DDOST: variants seen among roughly 807,000 people sequenced by gnomAD.
DDOST encodes dolichyl-diphosphooligosaccharide--protein glycosyltransferase 48 kDa subunit.
A neutral mutation model predicts 47.6 loss-of-function variants in DDOST; 25 were observed. The observed-to-expected ratio is 0.53, with a 90% CI of 0.38 to 0.73. The LOEUF (loss-of-function observed/expected upper bound fraction) is 0.73. DDOST is among the 30% of genes least tolerant of loss of function. The probability of loss-of-function intolerance (pLI) is 0.00; values close to 1 mark genes in which losing one functional copy is unlikely to be tolerated. For missense variants in DDOST, 526 were observed against 573.9 expected, an observed-to-expected ratio of 0.92 and a Z score of 0.85; for synonymous variants, 275 against 236.0, an observed-to-expected ratio of 1.17 and a Z score of -1.51.
intron 2 of DDOST, 165 bp downstream of exon 2, chr1:20,660,716 C>T: frequency 1.7e-6 from 1 of 584,144 alleles, no homozygotes; most frequent in Non-Finnish European, 3.1e-6. Flanking sequence ...GATGTACCCT[C>T]CTAGGGTCAG....
At chr1:20,659,402 TCATCTTA>T (rs1191768876) in intron 2 of DDOST, among the ~76,000 whole-genome samples, 1 of 152,160 alleles carries the variant, frequency 6.6e-6, no homozygotes, top group African/African-American at 2.4e-5. Context: ...TGCCTCCGCT[TCATCTTA>T]CATCCTGACA....
intron 4 of DDOST, 49 bp from the exon 5 acceptor site, chr1:20,655,583 G>C (rs1344149397): frequency 8.1e-6 from 13 of 1,599,022 alleles, no homozygotes; most frequent in Non-Finnish European, 9.4e-6. Flanking sequence ...GGTTCCCCAA[G>C]CCAGGGAGAA....
intron 7 of DDOST, 100 bp downstream of exon 7, chr1:20,654,123 C>T (rs2053334323): frequency 1.5e-6 from 2 of 1,370,612 alleles, no homozygotes; most frequent in Admixed American, 2.3e-5. Context: ...CAGCCTCTGA[C>T]ACTTTTAGCT....
Position 20,652,848 on chromosome 1 carries a change from C to T in DDOST, c.1063+3G>A, listed in dbSNP as rs745423124. ...AGCATCCTCGTGCAGGAACTACACT[C>T]ACCTTTCTTCTTCAGGAAGGTCCTC... On this transcript the variant is annotated splice_donor_region_variant and intron_variant, in intron 9 of 10. Transcript: ENST00000602624. 6.2e-7 allele frequency: 1 copy of T among 1,614,206 alleles called. No homozygotes were observed. The highest frequency in any genetic ancestry group is 1.1e-5 in the South Asian group (1 of 91,082).
intron 2 of DDOST, among the ~76,000 whole-genome samples, chr1:20,657,693 C>T (rs1441419894): frequency 6.6e-6 from 1 of 152,094 alleles, no homozygotes; most frequent in Non-Finnish European, 1.5e-5. Flanking sequence ...ATATAAGAGC[C>T]CTGTTTTTTG....
At position 20,652,491 on chromosome 1, in the gene DDOST, C is replaced by T. The variant is rs1486971492; in HGVS notation, c.1208G>A (p.Arg403His). ...VRPLQHTQYE[R>H]FIPSAYPYYA... ...GTAGGGGTAGGCCGAGGGGATGAAG[C>T]GCTCATACTGCGTGTGCTGGAGTGG... The change falls in exon 11 of 11, where the codon CGC becomes CAC. Residue 403 changes from arginine (R) to histidine (H), a missense_variant. By Grantham distance (29) the Arg-to-His change is conservative. Transcript: ENST00000602624. 6.2e-7 allele frequency: 1 copy of T among 1,613,920 alleles called. No individual in the cohort carries two copies. Among genetic ancestry groups the T allele is most frequent in the Non-Finnish European group, 8.5e-7 (1 of 1,179,980 alleles).
At chr1:20,657,166 TGG>T (rs1395107742) in intron 2 of DDOST, among the ~76,000 whole-genome samples, 1 of 151,582 alleles carries the variant, frequency 6.6e-6, no homozygotes, top group East Asian at 1.9e-4. Flanking sequence ...CCGAGGGGGG[TGG>T]GCACGGTCAC....
At chr1:20,655,981 C>T (rs2053368156) in intron 3 of DDOST, 120 bp downstream of exon 3, 2 of 911,898 alleles carry the variant, frequency 2.2e-6, no homozygotes, top group Non-Finnish European at 3.6e-6. Context: ...AAAACGGTTC[C>T]CTCACTGACT....
At position 20,655,415 on chromosome 1, in the gene DDOST, G is replaced by A. The variant is rs76266717; in HGVS notation, c.551+25C>T. 20,121 of 1,572,906 alleles carry A rather than the reference G, an allele frequency of 0.013. 158 individuals carry two copies. Among genetic ancestry groups the A allele is most frequent in the South Asian group, 0.016 (1,428 of 89,694 alleles). ...CCCCTTCTTCCCCCAGGTTTCTGCT[G>A]TCCTCTCCCTGCTCACTCACTCACC... On this transcript the variant is annotated intron_variant, in intron 5 of 10. Coordinates refer to ENST00000602624, the MANE Select transcript of DDOST (RefSeq NM_005216.5).
At chr1:20,655,951 G>A (rs753527141) in intron 3 of DDOST, 150 bp downstream of exon 3, 57 of 819,276 alleles carry the variant, frequency 7.0e-5, no homozygotes, top group Non-Finnish European at 1.1e-4. Flanking sequence ...CTGCCTCCAG[G>A]AGTCAGATTC....
At position 20,661,237 on chromosome 1, in the gene DDOST, G is replaced by T; in HGVS notation, c.114C>A (p.Asn38Lys). 3 of 1,614,066 alleles carry T rather than the reference G, an allele frequency of 1.9e-6. No homozygotes were observed. The highest frequency in any genetic ancestry group is 2.5e-6 in the Non-Finnish European group (3 of 1,180,022). The change falls in exon 1 of 11, where the codon AAC becomes AAA. Residue 38 changes from asparagine to lysine, a missense_variant. By Grantham distance (94) the Asn-to-Lys change is moderately conservative. Coordinates refer to ENST00000602624, the MANE Select transcript of DDOST (RefSeq NM_005216.5). ...PRTLVLLDNL[N>K]VRETHSLFFR... ...AGAAAAGCGAATGAGTCTCCCGCAC[G>T]TTGAGGTTGTCCAGCAGCACTAAGG...
In DDOST at chr1:20,652,654, C is replaced by A; in HGVS notation, c.1137G>T (p.Arg379=). ...AAGAGTACAGGTGTGTGTAGCCTAGCCGGTTGTAATCCACTTTAAACTGGA... is the reference window on the plus strand; with the variant it reads ...AAGAGTACAGGTGTGTGTAGCCTAGACGGTTGTAATCCACTTTAAACTGGA... ...GVFQFKVDYN[R]LGYTHLYSST... Residue 379 remains arginine (R), a synonymous_variant, in exon 10 of 11, where the codon CGG becomes CGT. Transcript: ENST00000602624. 1 of 1,614,208 alleles carries A rather than the reference C, an allele frequency of 6.2e-7. No homozygotes were observed.
In DDOST at chr1:20,654,238, G is replaced by C. The variant is rs753619089; in HGVS notation, c.779C>G (p.Ala260Gly). Reference sequence around the variant, plus strand: ...TGGCAGCTACCTCTGGGAGCCGGGCGCCGCCTTCTGCACTGCTGAGTTGAA... The same window carrying C: ...TGGCAGCTACCTCTGGGAGCCGGGCCCCGCCTTCTGCACTGCTGAGTTGAA... ...SFFNSAVQKA[A>G]PGSQRYSQTG... The change falls in exon 7 of 11, where the codon GCG (alanine) becomes GGG (glycine). Residue 260 changes from alanine (A) to glycine (G), a missense_variant. Ala to Gly is a moderately conservative substitution (Grantham distance 60). Transcript: ENST00000602624. The C allele has an allele frequency of 6.4e-7, 1 of 1,550,686 alleles. No homozygotes were observed. Among genetic ancestry groups the C allele is most frequent in the Non-Finnish European group, 8.7e-7 (1 of 1,146,970 alleles).
intron 2 of DDOST, among the ~76,000 whole-genome samples, chr1:20,659,794 C>T (rs748245679): frequency 4.6e-5 from 7 of 152,154 alleles, no homozygotes; most frequent in Admixed American, 2.6e-4. Flanking sequence ...AGCCATGTCC[C>T]AGTTATTCAG....
rs2053370887 is a variant in DDOST at position 20,656,200 on chromosome 1, A to C, written c.266-13T>G. 2.5e-6 allele frequency: 4 copies of C among 1,611,554 alleles called. No individual in the cohort carries two copies. The South Asian group carries it at 4.4e-5, about 18-fold the overall frequency. On this transcript the variant is annotated splice_polypyrimidine_tract_variant and intron_variant, in intron 2 of 10. Coordinates refer to ENST00000602624, the MANE Select transcript of DDOST (RefSeq NM_005216.5). ...TTGCCTCCAAAATCTGAAAGCAGGC[A>C]CCAGACACAGTGACCCAGAGGTCTC...
Position 20,655,701 on chromosome 1 carries a change from T to C in DDOST, c.431A>G (p.Asn144Ser), listed in dbSNP as rs2053364504. 6.2e-7 allele frequency: 1 copy of C among 1,613,986 alleles called. No individual in the cohort carries two copies. The highest frequency in any genetic ancestry group is 1.3e-5 in the African/African-American group (1 of 75,050). ...CTGGCCAAGGTCTGAGATGTCATAG[T>C]TGTGATGGTCAATGACAGCCGTTTT... Reference protein sequence around the residue: ...EEKTAVIDHHNYDISDLGQHT... With the variant: ...EEKTAVIDHHSYDISDLGQHT... The change falls in exon 4 of 11, where the codon AAC becomes AGC. Residue 144 changes from asparagine (N) to serine (S), a missense_variant. Asn to Ser is a conservative substitution (Grantham distance 46). Coordinates refer to ENST00000602624, the MANE Select transcript of DDOST (RefSeq NM_005216.5).
In DDOST at chr1:20,652,314, C is replaced by A; in HGVS notation, c.*65G>T. 1 of 1,453,844 alleles carries A rather than the reference C, an allele frequency of 6.9e-7. No homozygotes were observed. Among genetic ancestry groups the A allele is most frequent in the Non-Finnish European group, 9.1e-7 (1 of 1,098,954 alleles). The allele number at this position is 1,453,844 out of a possible 1,614,324, so 90.1% of individuals were successfully genotyped here. ...CGGCTTTAAACAAAGCAAAACAAAA[C>A]CACCAATCCTAATAACCCCCCTCCT... is the stretch of plus-strand genomic sequence containing the variant. On this transcript the variant is annotated 3_prime_UTR_variant, in exon 11 of 11. Transcript: ENST00000602624.
At chr1:20,660,654 A>G in intron 2 of DDOST, 1 of 442,214 alleles carries the variant, frequency 2.3e-6, no homozygotes. Context: ...CCTGGGTTCC[A>G]CGGTCTGCAG....
At chr1:20,652,564 G>A in intron 10 of DDOST, 36 bp from the exon 11 acceptor site, 1 of 1,614,024 alleles carries the variant, frequency 6.2e-7, no homozygotes, top group Admixed American at 1.7e-5. Flanking sequence ...CCTGGCCACT[G>A]CAGAGCCCAG....
Sources: gnomAD v4.1 joint callset for allele counts (sites outside exome capture counted in the v4.1 genomes callset) on GRCh38, gnomAD v4.1.1 for gene constraint, MANE v1.5 for transcripts, NCBI Gene and HGNC (gene_info 2026-07-23, HGNC 2026-07-21) for gene names.